Variants in BUB1B observed in about 807,000 individuals in gnomAD.
The protein encoded by BUB1B is BUB1 mitotic checkpoint serine/threonine kinase B.
Under a neutral mutation model 137.7 loss-of-function variants are expected in BUB1B, and 86 were observed. That is an observed-to-expected ratio of 0.62 (90% CI 0.52 to 0.75). The LOEUF is 0.75. Among genes scored for constraint, BUB1B ranks in the 30% least tolerant of loss-of-function variants. The pLI, the probability that BUB1B is intolerant of heterozygous loss-of-function variation, is 0.00. For synonymous variants in BUB1B, 420 were observed against 417.9 expected, an observed-to-expected ratio of 1.00 and a Z score of -0.06; for missense variants, 1,130 against 1,236.9, an observed-to-expected ratio of 0.91 and a Z score of 1.30.
At chr15:40,189,081 T>A (rs1328679450) in intron 8 of BUB1B, among the ~76,000 whole-genome samples, 2 of 152,112 alleles carry the variant, frequency 1.3e-5, no homozygotes, top group African/African-American at 2.4e-5. Context: ...AACCAACTGT[T>A]TTTTTCTCTA....
intron 16 of BUB1B, among the ~76,000 whole-genome samples, chr15:40,209,007 C>T (rs1395983292): frequency 6.6e-6 from 1 of 152,054 alleles, no homozygotes; most frequent in African/African-American, 2.4e-5. Flanking sequence ...TGGGGTTTCG[C>T]CATGTTGCCC....
chr15:40,170,267 A>G (rs1187982675), intron 3 of BUB1B, 146 bp downstream of exon 3: 2 of 840,612 alleles, frequency 2.4e-6, no homozygotes, highest in African/African-American at 3.4e-5. Flanking sequence ...ATCATAATAT[A>G]TCTTCCTGAG....
Position 40,206,468 on chromosome 15 carries a change from G to A in BUB1B, c.2009+10G>A. The A allele has an allele frequency of 1.2e-6, 2 of 1,614,022 alleles. No individual in the cohort carries two copies. Among genetic ancestry groups the A allele is most frequent in the Non-Finnish European group, 1.7e-6 (2 of 1,180,018 alleles). ...GCATCAAGAAGCTGAGGTGATTGGG[G>A]ATTTACAGGTTTTACAAACCAGATT... On this transcript the variant is annotated intron_variant, in intron 15 of 22. Coordinates refer to ENST00000287598, the MANE Select transcript of BUB1B (RefSeq NM_001211.6).
chr15:40,209,485 C>G (rs540764907), intron 16 of BUB1B, 150 bp from the exon 17 acceptor site: 1 of 914,868 alleles, frequency 1.1e-6, no homozygotes, highest in Non-Finnish European at 1.7e-6. Flanking sequence ...AACACAGTTT[C>G]ATAAACACCT....
chr15:40,208,841 T>G, intron 16 of BUB1B, 71 bp downstream of exon 16: 1 of 1,509,868 alleles, frequency 6.6e-7, no homozygotes, highest in Middle Eastern at 1.9e-4. Context: ...AGCTGTATGT[T>G]TTTCTTTTTT....
chr15:40,179,788 T>G (rs2037262057), intron 5 of BUB1B, among the ~76,000 whole-genome samples: 1 of 152,030 alleles, frequency 6.6e-6, no homozygotes, highest in Non-Finnish European at 1.5e-5. Context: ...ATAAGGTATA[T>G]AATATACCTA....
intron 2 of BUB1B, among the ~76,000 whole-genome samples, chr15:40,168,142 C>T (rs1323747674): frequency 1.3e-5 from 2 of 150,454 alleles, no homozygotes; most frequent in African/African-American, 2.4e-5. Context: ...CCGAGGCAGG[C>T]GGATCACCTG....
intron 17 of BUB1B, 34 bp downstream of exon 17, chr15:40,209,809 T>C: frequency 3.1e-6 from 5 of 1,611,002 alleles, no homozygotes; most frequent in Non-Finnish European, 4.2e-6. Context: ...CTCTGGTTCA[T>C]GACAGTATAC....
At chr15:40,176,976 G>A (rs1176114773) in intron 5 of BUB1B, among the ~76,000 whole-genome samples, 1 of 152,042 alleles carries the variant, frequency 6.6e-6, no homozygotes, top group African/African-American at 2.4e-5. Context: ...CAAACCCCTG[G>A]CAAACACTGA....
At chr15:40,199,515 ATTAGTAACATAT>A (rs1295545659) in intron 9 of BUB1B, 88 bp from the exon 10 acceptor site, 1 of 832,610 alleles carries the variant, frequency 1.2e-6, no homozygotes, top group Non-Finnish European at 2.0e-6. Context: ...TTTCATCTGT[ATTAGTAACATAT>A]ATGTTGAGGA....
chr15:40,169,647 T>C (rs2037139180), intron 2 of BUB1B, among the ~76,000 whole-genome samples: 1 of 147,724 alleles, frequency 6.8e-6, no homozygotes, highest in Non-Finnish European at 1.5e-5. Context: ...AGAGTCTTGC[T>C]TTGTTGCCCA....
rs770051541 is a variant in BUB1B, at chr15:40,209,696, A to C, written c.2205A>C (p.Pro735=). Residue 735 remains proline, a synonymous_variant, in exon 17 of 23, where the codon CCA becomes CCC. Coordinates refer to ENST00000287598, the MANE Select transcript of BUB1B (RefSeq NM_001211.6). The part of the protein sequence containing the change: ...QYRRQLLKSL[P]ELSASAELCI... The stretch of plus-strand genomic sequence containing the variant: ...GCAGACAGCTACTGAAGTCCCTACC[A>C]GAGTTAAGTGCCTCTGCAGAGTTGT... 1.2e-6 allele frequency: 2 copies of C among 1,614,028 alleles called. No individual in the cohort carries two copies. The highest frequency in any genetic ancestry group is 8.5e-7 in the Non-Finnish European group (1 of 1,180,000).
At chr15:40,196,359 C>A (rs1216063583) in intron 8 of BUB1B, among the ~76,000 whole-genome samples, 186 bp from the exon 9 acceptor site, 1 of 152,088 alleles carries the variant, frequency 6.6e-6, no homozygotes, top group Non-Finnish European at 1.5e-5. Flanking sequence ...TGTTTTTATA[C>A]CAGTATTATG....
At chr15:40,215,157 T>C (rs1402606707) in intron 20 of BUB1B, among the ~76,000 whole-genome samples, 2 of 148,298 alleles carry the variant, frequency 1.3e-5, no homozygotes, top group Admixed American at 6.6e-5. Flanking sequence ...AAATTTCACA[T>C]AGATTCATAA....
In BUB1B at chr15:40,213,488, A is replaced by T; in HGVS notation, c.2678+14A>T. ...TCTCAGAAACAGGTTGGTCCTTTTC[A>T]TTCTTATAATTCTGCCAGCTGTCTC... On this transcript the variant is annotated intron_variant, in intron 20 of 22. Transcript: ENST00000287598. 1 of 1,613,794 alleles carries T rather than the reference A, an allele frequency of 6.2e-7. No individual in the cohort carries two copies. The highest frequency in any genetic ancestry group is 8.5e-7 in the Non-Finnish European group (1 of 1,179,856).
intron 14 of BUB1B, among the ~76,000 whole-genome samples, chr15:40,203,659 T>C (rs977834815): frequency 1.3e-5 from 2 of 152,210 alleles, no homozygotes; most frequent in African/African-American, 4.8e-5. Flanking sequence ...AAATACCTTT[T>C]TTGGCAATGC....
chr15:40,207,010 A>G (rs1362588116), intron 15 of BUB1B, among the ~76,000 whole-genome samples: 1 of 152,078 alleles, frequency 6.6e-6, no homozygotes, highest in African/African-American at 2.4e-5. Flanking sequence ...GGGTTTCGCC[A>G]TGTTGGCCAG....
intron 6 of BUB1B, 124 bp from the exon 7 acceptor site, chr15:40,185,041 C>CTTTTTTTTTTTTTTTTTTTTTTTTTT: frequency 1.7e-6 from 1 of 599,128 alleles, no homozygotes; most frequent in Non-Finnish European, 2.7e-6. Flanking sequence ...TTTAAAATTT[C>CTTTTTTTTTTTTTTTTTTTTTTTTTT]TTTTTTTTTT....
chr15:40,203,206 ATAT>A (rs2037596610), intron 14 of BUB1B, among the ~76,000 whole-genome samples: 1 of 152,370 alleles, frequency 6.6e-6, no homozygotes, highest in East Asian at 1.9e-4. Flanking sequence ...ATACCATGAA[ATAT>A]TATTTGGCAA....
Sources: allele counts gnomAD v4.1 joint callset (sites outside exome capture counted in the v4.1 genomes callset), GRCh38; gene constraint gnomAD v4.1.1; transcripts MANE v1.5; gene names NCBI Gene and HGNC (gene_info 2026-07-23, HGNC 2026-07-21).